LRP1B: variants seen among roughly 807,000 people sequenced by gnomAD.
The protein encoded by LRP1B is low-density lipoprotein receptor-related protein 1B.
LRP1B carries 217 observed loss-of-function variants against 556.6 expected under a neutral mutation model. The ratio of observed to expected loss-of-function variants is 0.39; its 90% confidence interval spans 0.35 to 0.44. LRP1B has a LOEUF of 0.44. Ranked by LOEUF, LRP1B falls within the 20% of genes least tolerant of loss-of-function variation. The pLI is 1.00. For missense variants in LRP1B, 5,053 were observed against 5,620.8 expected, an observed-to-expected ratio of 0.90 and a Z score of 3.23; for synonymous variants, 2,047 against 1,865.8, an observed-to-expected ratio of 1.10 and a Z score of -2.50.
chr2:140,973,446 T>G (rs2105332486), intron 18 of LRP1B, among the ~76,000 whole-genome samples: 1 of 152,176 alleles, frequency 6.6e-6, no homozygotes, highest in Middle Eastern at 3.4e-3. Flanking sequence ...AGGACCTCAC[T>G]CATGTACATA....
At chr2:141,770,927 T>G (rs1181608725) in intron 2 of LRP1B, among the ~76,000 whole-genome samples, 1 of 152,224 alleles carries the variant, frequency 6.6e-6, no homozygotes, top group Non-Finnish European at 1.5e-5. Context: ...TGTTAACAGC[T>G]AAGGAAGACT....
At chr2:140,988,005 C>T (rs941843769) in intron 17 of LRP1B, among the ~76,000 whole-genome samples, 12 of 151,946 alleles carry the variant, frequency 7.9e-5, no homozygotes, top group African/African-American at 2.9e-4. Context: ...GAATTGCACT[C>T]ATTTAGAAAG....
At chr2:141,972,577 A>G (rs974185822) in intron 1 of LRP1B, among the ~76,000 whole-genome samples, 6 of 109,690 alleles carry the variant, frequency 5.5e-5, no homozygotes, top group African/African-American at 2.4e-4. Flanking sequence ...CAAACATGTG[A>G]ATGCAGGTGC....
intron 1 of LRP1B, among the ~76,000 whole-genome samples, chr2:142,013,940 G>T (rs573544985): frequency 6.9e-4 from 105 of 152,150 alleles, no homozygotes; most frequent in Middle Eastern, 3.4e-3. Context: ...ACTTGGGAGT[G>T]CCCAGATATC....
chr2:141,040,489 A>G (rs918550180), intron 11 of LRP1B, among the ~76,000 whole-genome samples: 5 of 152,052 alleles, frequency 3.3e-5, no homozygotes, highest in Admixed American at 2.0e-4. Flanking sequence ...TAATCCTACT[A>G]TAAGGTCAGT....
chr2:140,461,555 C>T (rs2105329527), intron 60 of LRP1B, among the ~76,000 whole-genome samples: 1 of 152,206 alleles, frequency 6.6e-6, no homozygotes, highest in South Asian at 2.1e-4. Context: ...TGACTATAGG[C>T]CAGGCGTGGT....
intron 1 of LRP1B, among the ~76,000 whole-genome samples, chr2:141,919,668 G>T (rs1700129768): frequency 6.6e-6 from 1 of 151,968 alleles, no homozygotes; most frequent in South Asian, 2.1e-4. Flanking sequence ...AGGCATGACA[G>T]CATTAATAAT....
Position 141,340,637 on chromosome 2 carries a change from A to G in LRP1B, c.344-85996T>C, listed in dbSNP as rs750343934. On this transcript the variant is annotated intron_variant, in intron 3 of 90. Coordinates refer to ENST00000389484, the MANE Select transcript of LRP1B (RefSeq NM_018557.3). ...GTGATCTCTGTAATGAGGGACTCCA[A>G]GCTATTTCATTATCATAATTTTATT... 2.3e-4 allele frequency among the ~76,000 whole-genome samples: 35 copies of G among 152,310 alleles called. 1 individual carries two copies. Among genetic ancestry groups the G allele is most frequent in the Admixed American group, 1.9e-3 (29 of 15,292 alleles).
intron 1 of LRP1B, among the ~76,000 whole-genome samples, chr2:141,921,902 A>T (rs1325414012): frequency 1.3e-5 from 2 of 152,162 alleles, no homozygotes; most frequent in Non-Finnish European, 2.9e-5. Context: ...TGAAATATAC[A>T]CATTTTTCTT....
chr2:140,902,860 G>A (rs1370978886), intron 23 of LRP1B, 60 bp downstream of exon 23: 7 of 1,553,650 alleles, frequency 4.5e-6, no homozygotes, highest in Non-Finnish European at 5.3e-6. Flanking sequence ...GCAGTTTTGG[G>A]ATTTGTTTCT....
intron 1 of LRP1B, among the ~76,000 whole-genome samples, chr2:141,938,915 T>C (rs1700713287): frequency 6.6e-6 from 1 of 152,060 alleles, no homozygotes. Context: ...AAATACTGAA[T>C]GACCTCACTT....
At chr2:141,492,600 T>A (rs948021923) in intron 2 of LRP1B, among the ~76,000 whole-genome samples, 5 of 152,100 alleles carry the variant, frequency 3.3e-5, no homozygotes, top group African/African-American at 1.2e-4. Flanking sequence ...ACACAATAAA[T>A]AAGGGAGAGA....
intron 7 of LRP1B, among the ~76,000 whole-genome samples, chr2:141,153,907 G>A (rs959683688): frequency 2.0e-5 from 3 of 151,310 alleles, no homozygotes; most frequent in Non-Finnish European, 3.0e-5. Flanking sequence ...AGGAAAGGAG[G>A]AGATCTGCCA....
At chr2:141,011,880 T>G (rs1314463017) in intron 14 of LRP1B, among the ~76,000 whole-genome samples, 1 of 152,032 alleles carries the variant, frequency 6.6e-6, no homozygotes, top group African/African-American at 2.4e-5. Context: ...TGATACATTA[T>G]TCCATCGAAT....
At chr2:140,876,754 T>G (rs1693318116) in intron 25 of LRP1B, among the ~76,000 whole-genome samples, 1 of 152,206 alleles carries the variant, frequency 6.6e-6, no homozygotes, top group Admixed American at 6.6e-5. Flanking sequence ...CTGAGATTCC[T>G]TCTATGGAAC....
At chr2:141,611,497 C>T (rs2105322741) in intron 2 of LRP1B, among the ~76,000 whole-genome samples, 1 of 152,162 alleles carries the variant, frequency 6.6e-6, no homozygotes, top group East Asian at 1.9e-4. Context: ...AGTATTGAAA[C>T]CTGAGAAGAA....
chr2:141,276,658 C>T (rs1240792487), intron 3 of LRP1B, among the ~76,000 whole-genome samples: 4 of 122,924 alleles, frequency 3.3e-5, no homozygotes, highest in African/African-American at 1.2e-4. Flanking sequence ...TTCTTTCTTT[C>T]TTTTTTTTTT....
At chr2:140,277,012 A>G (rs748255244) in intron 84 of LRP1B, among the ~76,000 whole-genome samples, 6 of 151,960 alleles carry the variant, frequency 3.9e-5, no homozygotes, top group Non-Finnish European at 7.4e-5. Flanking sequence ...TGATTTGACC[A>G]AAATAGCTTA....
At chr2:141,715,096 T>C (rs1201268378) in intron 2 of LRP1B, among the ~76,000 whole-genome samples, 1 of 152,164 alleles carries the variant, frequency 6.6e-6, no homozygotes, top group Non-Finnish European at 1.5e-5. Context: ...ACACTCTCTT[T>C]GTAATAGAAA....
Sources: allele counts gnomAD v4.1 joint callset (sites outside exome capture counted in the v4.1 genomes callset), GRCh38; gene constraint gnomAD v4.1.1; transcripts MANE v1.5; gene names NCBI Gene and HGNC (gene_info 2026-07-23, HGNC 2026-07-21).